Variants in UBA6 observed in about 807,000 individuals in gnomAD.
The protein encoded by UBA6 is ubiquitin-like modifier-activating enzyme 6.
A neutral mutation model predicts 148.3 loss-of-function variants in UBA6; 87 were observed. That is an observed-to-expected ratio of 0.59 (90% CI 0.49 to 0.70). The LOEUF (loss-of-function observed/expected upper bound fraction) is 0.70, where lower values mean the gene tolerates loss of function less well. Ranked by LOEUF, UBA6 falls within the 30% of genes least tolerant of loss-of-function variation. UBA6 has a pLI of 0.00. For synonymous variants in UBA6, 376 were observed against 401.0 expected (o/e 0.94, Z 0.75); for missense variants, 1,186 against 1,241.2 (o/e 0.96, Z 0.67).
intron 32 of UBA6, among the ~76,000 whole-genome samples, chr4:67,621,105 C>G (rs556330931): frequency 3.3e-4 from 50 of 152,308 alleles, no homozygotes; most frequent in African/African-American, 1.2e-3. Flanking sequence ...CTAGTCAATA[C>G]ACTTTATGAT....
chr4:67,695,694 C>T (rs1730816115), intron 2 of UBA6, among the ~76,000 whole-genome samples: 2 of 152,144 alleles, frequency 1.3e-5, no homozygotes, highest in African/African-American at 4.8e-5. Flanking sequence ...TCAGTTAACC[C>T]TTATACAACA....
At chr4:67,644,936 A>G (rs368789081) in intron 16 of UBA6, among the ~76,000 whole-genome samples, 158 bp from the exon 17 acceptor site, 4 of 152,334 alleles carry the variant, frequency 2.6e-5, no homozygotes, top group East Asian at 3.9e-4. Context: ...TTCTTTAAAC[A>G]GAAGACATTT....
intron 18 of UBA6, among the ~76,000 whole-genome samples, chr4:67,640,360 TA>T (rs1282982158): frequency 6.6e-6 from 1 of 152,268 alleles, no homozygotes; most frequent in East Asian, 1.9e-4. Flanking sequence ...GCAATTAGAT[TA>T]ACTATGACAT....
At chr4:67,688,709 A>G (rs1730627217) in intron 2 of UBA6, among the ~76,000 whole-genome samples, 1 of 152,096 alleles carries the variant, frequency 6.6e-6, no homozygotes, top group Non-Finnish European at 1.5e-5. Context: ...CTGGGTACTA[A>G]AATTGCTCTA....
At chr4:67,689,348 T>A (rs1291830936) in intron 2 of UBA6, among the ~76,000 whole-genome samples, 4 of 152,120 alleles carry the variant, frequency 2.6e-5, no homozygotes, top group African/African-American at 9.7e-5. Flanking sequence ...TATACAAGTA[T>A]CTAGGAGGAA....
chr4:67,665,105 T>C (rs936265080), intron 10 of UBA6, 84 bp downstream of exon 10: 1 of 712,774 alleles, frequency 1.4e-6, no homozygotes, highest in East Asian at 2.9e-5. Flanking sequence ...TTTAATCTGT[T>C]TGGTTAACTG....
In UBA6 at chr4:67,696,651, A is replaced by C. The variant is rs1317344522; in HGVS notation, c.128T>G (p.Leu43Trp). The C allele has an allele frequency of 6.2e-7, 1 of 1,607,046 alleles. No homozygotes were observed. The highest frequency in any genetic ancestry group is 1.7e-5 in the Admixed American group (1 of 59,308). Residue 43 changes from leucine to tryptophan, a missense_variant, in exon 2 of 33, where the codon TTG (leucine) becomes TGG (tryptophan). Coordinates refer to ENST00000322244, the MANE Select transcript of UBA6 (RefSeq NM_018227.6). ...STASVEIDDA[L>W]YSRQRYVLGD... is the part of the protein sequence containing the mutation. ...GTTTCTATGAGATTCTTACCTATAC[A>C]ATGCATCATCGATTTCCACAGATGC... is the stretch of plus-strand genomic sequence containing the variant.
chr4:67,686,580 T>C (rs1000070239), intron 2 of UBA6, among the ~76,000 whole-genome samples: 3 of 152,158 alleles, frequency 2.0e-5, no homozygotes, highest in South Asian at 2.1e-4. Context: ...GAGAGACAGA[T>C]AGACAAAAGA....
intron 26 of UBA6, 155 bp downstream of exon 26, chr4:67,630,311 C>T: frequency 1.6e-6 from 1 of 614,236 alleles, no homozygotes; most frequent in South Asian, 2.1e-5. Context: ...CTTTTAGCTT[C>T]CATTATGTTA....
intron 2 of UBA6, among the ~76,000 whole-genome samples, chr4:67,686,519 C>G (rs569329746): frequency 1.3e-5 from 2 of 152,148 alleles, no homozygotes; most frequent in East Asian, 3.9e-4. Context: ...ACGAGGATTA[C>G]ATATTAAATA....
intron 9 of UBA6, among the ~76,000 whole-genome samples, chr4:67,666,342 T>C (rs1729995625): frequency 6.6e-6 from 1 of 151,066 alleles, no homozygotes; most frequent in Non-Finnish European, 1.5e-5. Context: ...TTACTTAATA[T>C]ATTATATAAT....
Position 67,638,385 on chromosome 4 carries a change from T to G in UBA6, c.1736+558A>C, listed in dbSNP as rs185763588. The G allele has an allele frequency of 2.7e-3, 440 of 161,784 alleles. 1 individual carries two copies. The highest frequency in any genetic ancestry group is 5.8e-3 in the South Asian group (34 of 5,858). 10.0% of individuals were successfully genotyped at this position (161,784 alleles called of 1,614,324 possible). On this transcript the variant is annotated intron_variant, in intron 19 of 32. Coordinates refer to ENST00000322244, the MANE Select transcript of UBA6 (RefSeq NM_018227.6). ...CTTTGTGGTTTGGTGTCCACCCCCGTGCCCTTCGCCTCTGTGCCTGAAGCC... is the reference window on the plus strand; with the variant it reads ...CTTTGTGGTTTGGTGTCCACCCCCGGGCCCTTCGCCTCTGTGCCTGAAGCC...
chr4:67,648,751 C>T (rs1354431982), intron 14 of UBA6, among the ~76,000 whole-genome samples: 1 of 152,060 alleles, frequency 6.6e-6, no homozygotes. Context: ...ATTCAAGAGT[C>T]CTGAGAGCCC....
intron 2 of UBA6, among the ~76,000 whole-genome samples, chr4:67,693,443 G>A (rs1227129788): frequency 2.6e-5 from 4 of 151,944 alleles, no homozygotes; most frequent in Non-Finnish European, 5.9e-5. Flanking sequence ...TAGCATTTAA[G>A]CTTTGGGAGA....
rs866943247 is a variant in UBA6 at position 67,677,721 on chromosome 4, C to A, written c.355G>T (p.Ala119Ser). ...EDDVVNKRNR[A>S]EAVLKHIAEL... ...GCAATATGTTTAAGTACAGCTTCAGCCCTAAAAAAATAAAATAAATTTTTA... is the reference window on the plus strand; with the variant it reads ...GCAATATGTTTAAGTACAGCTTCAGACCTAAAAAAATAAAATAAATTTTTA... The change falls in exon 6 of 33, where the codon GCT becomes TCT. Residue 119 changes from alanine to serine, a missense_variant and splice_region_variant. Transcript: ENST00000322244. The A allele has an allele frequency of 2.0e-6, 3 of 1,530,292 alleles. No homozygotes were observed. The highest frequency in any genetic ancestry group is 2.7e-6 in the Non-Finnish European group (3 of 1,122,626). The allele number at this position is 1,530,292 out of a possible 1,614,324, so 94.8% of individuals were successfully genotyped here.
At chr4:67,628,529 CTCTT>C (rs1728923593) in intron 27 of UBA6, among the ~76,000 whole-genome samples, 2 of 151,828 alleles carry the variant, frequency 1.3e-5, no homozygotes, top group Admixed American at 6.6e-5. Context: ...AGCTCCATCA[CTCTT>C]TCTTTTCCCT....
intron 8 of UBA6, among the ~76,000 whole-genome samples, 161 bp downstream of exon 8, chr4:67,670,309 C>A (rs912744504): frequency 4.6e-5 from 7 of 152,142 alleles, no homozygotes; most frequent in Non-Finnish European, 8.8e-5. Context: ...AGTTTTAATA[C>A]AATGCAGTCA....
intron 19 of UBA6, among the ~76,000 whole-genome samples, chr4:67,637,705 C>G (rs1729197808): frequency 6.6e-6 from 1 of 152,158 alleles, no homozygotes; most frequent in Non-Finnish European, 1.5e-5. Context: ...AAGGGCGGTG[C>G]AAGATGTGCT....
At chr4:67,681,840 G>A (rs1480510833) in intron 3 of UBA6, among the ~76,000 whole-genome samples, 3 of 152,114 alleles carry the variant, frequency 2.0e-5, no homozygotes, top group African/African-American at 7.2e-5. Flanking sequence ...ATGTTTTTAT[G>A]AATACAGTAT....
Sources: allele counts gnomAD v4.1 joint callset (sites outside exome capture counted in the v4.1 genomes callset), GRCh38; gene constraint gnomAD v4.1.1; transcripts MANE v1.5; gene names NCBI Gene and HGNC (gene_info 2026-07-23, HGNC 2026-07-21).